ASTN2: variants seen among roughly 807,000 people sequenced by gnomAD.
The protein encoded by ASTN2 is astrotactin-2.
Under a neutral mutation model 139.8 loss-of-function variants are expected in ASTN2, and 54 were observed. The observed-to-expected ratio is 0.39, with a 90% CI of 0.31 to 0.48. The LOEUF (loss-of-function observed/expected upper bound fraction) is 0.48. Ranked by LOEUF, ASTN2 falls within the 20% of genes least tolerant of loss-of-function variation. ASTN2 has a pLI of 0.95. For synonymous variants in ASTN2, 756 were observed against 719.5 expected (o/e 1.05, Z -0.81); for missense variants, 1,565 against 1,725.1 (o/e 0.91, Z 1.64).
chr9:117,144,670 T>TTG (rs1830152332), intron 3 of ASTN2, among the ~76,000 whole-genome samples: 4 of 20,278 alleles, frequency 2.0e-4, no homozygotes, highest in African/African-American at 3.7e-4. Flanking sequence ...GTTTTTTTTT[T>TTG]TTTTTTTTTT....
At chr9:116,613,772 C>T (rs1855682540) in intron 19 of ASTN2, among the ~76,000 whole-genome samples, 2 of 152,130 alleles carry the variant, frequency 1.3e-5, no homozygotes, top group Non-Finnish European at 2.9e-5. Context: ...CAATATCATA[C>T]TGAATGGGCA....
At chr9:117,197,164 C>A (rs1399000054) in intron 3 of ASTN2, 1 of 152,252 alleles carries the variant, frequency 6.6e-6, no homozygotes, top group African/African-American at 2.4e-5. Flanking sequence ...CCATTGATCA[C>A]CAGGGTTGAT....
chr9:116,940,832 G>A (rs558911163), intron 10 of ASTN2, among the ~76,000 whole-genome samples: 28 of 152,038 alleles, frequency 1.8e-4, no homozygotes, highest in African/African-American at 3.9e-4. Flanking sequence ...TTCCGGTCCC[G>A]CAAGCTCTAC....
Position 117,025,783 on chromosome 9 carries a change from TTTTTC to T in ASTN2, c.1423+14031_1423+14035del, listed in dbSNP as rs773204634. On this transcript the variant is annotated intron_variant, in intron 6 of 22. Coordinates refer to ENST00000313400, the MANE Select transcript of ASTN2 (RefSeq NM_001365068.1). ...AAGGTTCTAATATTGTGGTTTTTCT[TTTTTC>T]TTTTCTTTTCTTTTTTTTTTTTTGA... Among the ~76,000 whole-genome samples, 115 of 149,032 alleles carry T rather than the reference TTTTTC, an allele frequency of 7.7e-4. 1 individual carries two copies. Among genetic ancestry groups the T allele is most frequent in the Non-Finnish European group, 6.9e-4 (47 of 67,936 alleles).
intron 15 of ASTN2, among the ~76,000 whole-genome samples, chr9:116,726,737 G>T (rs1828635957): frequency 6.6e-6 from 1 of 151,846 alleles, no homozygotes; most frequent in African/African-American, 2.4e-5. Context: ...CTTAACATGG[G>T]GCCTGCACAG....
At chr9:117,031,825 G>T (rs1279828802) in intron 6 of ASTN2, among the ~76,000 whole-genome samples, 1 of 152,108 alleles carries the variant, frequency 6.6e-6, no homozygotes, top group Non-Finnish European at 1.5e-5. Flanking sequence ...GCGGGCAGGG[G>T]CCTGACCTTG....
At chr9:116,749,101 G>GA (rs1463332533) in intron 13 of ASTN2, among the ~76,000 whole-genome samples, 1 of 151,916 alleles carries the variant, frequency 6.6e-6, no homozygotes, top group African/African-American at 2.4e-5. Context: ...TTCCTCATCA[G>GA]AAAAATGGAA....
intron 7 of ASTN2, among the ~76,000 whole-genome samples, chr9:116,999,798 G>A (rs1837142756): frequency 6.6e-6 from 1 of 151,932 alleles, no homozygotes; most frequent in Non-Finnish European, 1.5e-5. Flanking sequence ...GGCCTCAAGT[G>A]ATCCACCTGC....
At chr9:117,410,360 G>C (rs1159480303) in intron 1 of ASTN2, among the ~76,000 whole-genome samples, 1 of 152,108 alleles carries the variant, frequency 6.6e-6, no homozygotes, top group Admixed American at 6.6e-5. Context: ...AGTTGTTCCT[G>C]CTCAAATTCT....
chr9:117,374,906 A>G (rs908511773), intron 1 of ASTN2, among the ~76,000 whole-genome samples: 9 of 152,114 alleles, frequency 5.9e-5, no homozygotes, highest in Non-Finnish European at 1.2e-4. Flanking sequence ...AGAATTGAAG[A>G]CCCATCATTT....
At chr9:116,590,369 C>T (rs1231317895) in intron 19 of ASTN2, among the ~76,000 whole-genome samples, 1 of 152,234 alleles carries the variant, frequency 6.6e-6, no homozygotes, top group Non-Finnish European at 1.5e-5. Flanking sequence ...CTGTTGTGAC[C>T]TGGCTGGGTG....
intron 19 of ASTN2, among the ~76,000 whole-genome samples, chr9:116,535,920 A>G (rs999284881): frequency 6.6e-6 from 1 of 152,064 alleles, no homozygotes; most frequent in Non-Finnish European, 1.5e-5. Context: ...TAGGTTGGAG[A>G]AGTTCTCCTG....
chr9:116,632,236 A>AG (rs1856827155), intron 17 of ASTN2, among the ~76,000 whole-genome samples: 1 of 129,886 alleles, frequency 7.7e-6, no homozygotes, highest in African/African-American at 3.5e-5. Flanking sequence ...AAAGAAAGAA[A>AG]GAAAGAAAGA....
intron 5 of ASTN2, among the ~76,000 whole-genome samples, chr9:117,071,832 G>C (rs994208555): frequency 8.5e-5 from 13 of 152,104 alleles, no homozygotes; most frequent in African/African-American, 3.1e-4. Context: ...GACCCCTTGC[G>C]CTTCCCAGGT....
intron 10 of ASTN2, among the ~76,000 whole-genome samples, chr9:116,884,079 G>A (rs988757596): frequency 3.9e-5 from 6 of 152,146 alleles, no homozygotes; most frequent in African/African-American, 1.2e-4. Context: ...GCAAGTAGAA[G>A]GTAAAGATGA....
At chr9:116,646,194 T>A (rs918307658) in intron 17 of ASTN2, among the ~76,000 whole-genome samples, 16 of 152,262 alleles carry the variant, frequency 1.1e-4, no homozygotes, top group East Asian at 9.7e-4. Context: ...GTAAATAAAG[T>A]GTCTTGTAGG....
At chr9:116,928,386 T>TA (rs11424999) in intron 10 of ASTN2, among the ~76,000 whole-genome samples, 149,976 of 152,154 alleles carry the variant, frequency 0.99, 73,954 homozygotes, top group East Asian at 1. Flanking sequence ...TCAGATATTC[T>TA]AAAAAAATTC....
intron 13 of ASTN2, among the ~76,000 whole-genome samples, chr9:116,791,479 A>C (rs1830557171): frequency 6.6e-6 from 1 of 152,230 alleles, no homozygotes; most frequent in Non-Finnish European, 1.5e-5. Flanking sequence ...GTGTTTATTT[A>C]TAAAAGAGAT....
rs375107399 is a variant in ASTN2, at chr9:116,733,555, G to A, written c.2397-32C>T. 4.0e-5 allele frequency: 64 copies of A among 1,613,646 alleles called. No individual in the cohort carries two copies. The African/African-American group carries it at 6.5e-4, about 16-fold the overall frequency. The stretch of plus-strand genomic sequence containing the variant: ...AGAGGAGCAGAGAGACTGCCAAATC[G>A]AGGAAGTGGAGACTGCTGAGGACTA... On this transcript the variant is annotated intron_variant, in intron 13 of 22. Transcript: ENST00000313400.
Sources: gnomAD v4.1 joint callset for allele counts (sites outside exome capture counted in the v4.1 genomes callset) on GRCh38, gnomAD v4.1.1 for gene constraint, MANE v1.5 for transcripts, NCBI Gene and HGNC (gene_info 2026-07-23, HGNC 2026-07-21) for gene names.